CLIC5: variants seen among roughly 807,000 people sequenced by gnomAD.
CLIC5 encodes CLIC family member 5, also known as chloride intracellular channel protein 5.
In CLIC5, 20 loss-of-function variants were observed where a neutral mutation model predicts 24.7. The ratio of observed to expected loss-of-function variants is 0.81; its 90% CI spans 0.57 to 1.18. The LOEUF is 1.18. CLIC5 is among the 50% of genes most tolerant of loss of function. The probability of loss-of-function intolerance (pLI) is 0.00; values close to 1 mark genes in which losing one functional copy is unlikely to be tolerated. For synonymous variants in CLIC5, 159 were observed against 135.6 expected, an observed-to-expected ratio of 1.17 and a Z score of -1.20; for missense variants, 341 against 326.1, an observed-to-expected ratio of 1.05 and a Z score of -0.35.
At chr6:46,011,486 C>T (rs144338115) in intron 1 of CLIC5, among the ~76,000 whole-genome samples, 13 of 152,272 alleles carry the variant, frequency 8.5e-5, no homozygotes, top group African/African-American at 3.1e-4. Context: ...CTGATGTAAT[C>T]GGCTTGGGGA....
intron 1 of CLIC5, among the ~76,000 whole-genome samples, chr6:45,987,255 C>T (rs1343939029): frequency 6.6e-6 from 1 of 152,176 alleles, no homozygotes; most frequent in Non-Finnish European, 1.5e-5. Flanking sequence ...AGTTATGGCC[C>T]CTCCCTCTGA....
chr6:45,919,865 A>G (rs769583350), intron 4 of CLIC5, among the ~76,000 whole-genome samples: 20 of 152,158 alleles, frequency 1.3e-4, no homozygotes, highest in Non-Finnish European at 2.4e-4. Context: ...GCAGATTAGA[A>G]TCACGTACTC....
downstream of CLIC5, among the ~76,000 whole-genome samples, chr6:45,896,301 C>T (rs1762392594): frequency 6.6e-6 from 1 of 152,106 alleles, no homozygotes; most frequent in Non-Finnish European, 1.5e-5. Flanking sequence ...TTGAATGTTC[C>T]AATTGGTTGA....
intron 1 of CLIC5, among the ~76,000 whole-genome samples, chr6:46,040,739 G>T (rs1233807178): frequency 1.3e-5 from 2 of 152,044 alleles, no homozygotes; most frequent in Non-Finnish European, 2.9e-5. Context: ...AGGGGGCAAT[G>T]GTGATAGTAT....
chr6:46,036,081 G>A (rs1268719679), intron 1 of CLIC5, among the ~76,000 whole-genome samples: 1 of 151,768 alleles, frequency 6.6e-6, no homozygotes, highest in African/African-American at 2.4e-5. Context: ...CCACCCAAAG[G>A]GCCTCCCCTG....
At chr6:45,976,972 A>G (rs1765407318) in intron 1 of CLIC5, among the ~76,000 whole-genome samples, 1 of 152,240 alleles carries the variant, frequency 6.6e-6, no homozygotes, top group South Asian at 2.1e-4. Flanking sequence ...TTTCATTGCT[A>G]AATGAGCAAT....
At chr6:46,031,891 CACAT>C (rs1200031401) in intron 1 of CLIC5, among the ~76,000 whole-genome samples, 2 of 145,730 alleles carry the variant, frequency 1.4e-5, no homozygotes, top group Non-Finnish European at 3.0e-5. Context: ...TATATATACA[CACAT>C]ATATATATAC....
At chr6:46,075,621 T>C (rs1470362491) in intron 1 of CLIC5, among the ~76,000 whole-genome samples, 1 of 152,158 alleles carries the variant, frequency 6.6e-6, no homozygotes, top group Non-Finnish European at 1.5e-5. Flanking sequence ...CTCTAAGACA[T>C]ATTCCGCTTC....
intron 1 of CLIC5, among the ~76,000 whole-genome samples, chr6:46,073,668 C>T (rs1446079758): frequency 6.6e-6 from 1 of 152,202 alleles, no homozygotes; most frequent in Non-Finnish European, 1.5e-5. Flanking sequence ...AAGATCCAAG[C>T]CCCTTAGTTT....
In CLIC5 at chr6:46,006,593, T is replaced by C. The variant is rs1581853863; in HGVS notation, c.63+8887A>G. On this transcript the variant is annotated intron_variant, in intron 1 of 5. Transcript: ENST00000339561. The stretch of plus-strand genomic sequence containing the variant: ...GATTTCCTTTGCCTAGGACATTGCA[T>C]TTATTTCCTACCTCTTATTCCTTGA... 2.6e-5 allele frequency among the ~76,000 whole-genome samples: 4 copies of C among 152,254 alleles called. No homozygotes were observed. In the East Asian group the frequency reaches 7.7e-4, roughly 29 times the overall value.
chr6:46,026,745 A>G (rs1225434932), intron 1 of CLIC5, among the ~76,000 whole-genome samples: 1 of 152,198 alleles, frequency 6.6e-6, no homozygotes, highest in Non-Finnish European at 1.5e-5. Context: ...CTTGCTCACA[A>G]GGAGATCATA....
chr6:46,061,215 G>A (rs1762262383), intron 1 of CLIC5, among the ~76,000 whole-genome samples: 1 of 151,690 alleles, frequency 6.6e-6, no homozygotes, highest in African/African-American at 2.4e-5. Context: ...GTTTTAGACG[G>A]AGTCTTGCTC....
intron 1 of CLIC5, among the ~76,000 whole-genome samples, chr6:46,028,804 A>G (rs1310360719): frequency 6.6e-6 from 1 of 152,238 alleles, no homozygotes; most frequent in African/African-American, 2.4e-5. Flanking sequence ...ACATAGGCAC[A>G]TCATAGTCAC....
At chr6:45,886,372 C>G (rs574668079) in intron 6 of CLIC5, among the ~76,000 whole-genome samples, 1 of 152,342 alleles carries the variant, frequency 6.6e-6, no homozygotes, top group East Asian at 1.9e-4. Context: ...CAGCCCCACC[C>G]TGCACAAGTG....
intron 1 of CLIC5, among the ~76,000 whole-genome samples, chr6:45,988,529 C>A (rs1456807409): frequency 6.6e-6 from 1 of 152,216 alleles, no homozygotes; most frequent in African/African-American, 2.4e-5. Context: ...TTAACCATCA[C>A]AAGGGGCTTT....
At chr6:45,924,843 C>T (rs1763414379) in intron 4 of CLIC5, among the ~76,000 whole-genome samples, 1 of 152,132 alleles carries the variant, frequency 6.6e-6, no homozygotes, top group Non-Finnish European at 1.5e-5. Flanking sequence ...ATTTCAGCTA[C>T]AGAAGGCCAA....
At chr6:46,073,634 A>G (rs1762682284) in intron 1 of CLIC5, among the ~76,000 whole-genome samples, 1 of 152,164 alleles carries the variant, frequency 6.6e-6, no homozygotes, top group South Asian at 2.1e-4. Flanking sequence ...AGAACATTCT[A>G]TTACTCTTGG....
intron 1 of CLIC5, among the ~76,000 whole-genome samples, chr6:45,979,349 G>A (rs376134573): frequency 8.5e-5 from 13 of 152,244 alleles, no homozygotes; most frequent in South Asian, 2.1e-4. Context: ...AGCATGTCAC[G>A]TTCTTTCCTC....
At chr6:45,882,090 C>A (rs1762268473) in intron 6 of CLIC5, among the ~76,000 whole-genome samples, 1 of 152,184 alleles carries the variant, frequency 6.6e-6, no homozygotes, top group Non-Finnish European at 1.5e-5. Context: ...TGAGTGTTAG[C>A]CTCACAGGAT....
Sources: gnomAD v4.1 joint callset for allele counts (sites outside exome capture counted in the v4.1 genomes callset) on GRCh38, gnomAD v4.1.1 for gene constraint, MANE v1.5 for transcripts, NCBI Gene and HGNC (gene_info 2026-07-23, HGNC 2026-07-21) for gene names.